The following TNS3 variants were observed in gnomAD, a reference collection of about 807,000 sequenced individuals.
The protein encoded by TNS3 is tensin 3.
TNS3 carries 45 observed loss-of-function variants against 140.9 expected under a neutral mutation model. The observed-to-expected ratio is 0.32, with a 90% CI of 0.25 to 0.41. The LOEUF is 0.41. Among genes scored for constraint, TNS3 ranks in the 10% least tolerant of loss-of-function variants. TNS3 has a pLI of 1.00. For synonymous variants in TNS3, 815 were observed against 788.4 expected (o/e 1.03, Z -0.56); for missense variants, 1,716 against 1,906.7 (o/e 0.90, Z 1.86).
At chr7:47,474,729 C>A (rs999268134) in intron 4 of TNS3, among the ~76,000 whole-genome samples, 2 of 147,912 alleles carry the variant, frequency 1.4e-5, no homozygotes, top group Admixed American at 1.4e-4. Flanking sequence ...CATGTACACA[C>A]ACAACACACC....
chr7:47,311,012 T>C lies in TNS3; in HGVS notation c.2651-6009A>G, dbSNP rs536788362. On this transcript the variant is annotated intron_variant, in intron 20 of 30. Transcript: ENST00000311160. ...GGTTCCAAGTCTTTGCTGTTGTGAA[T>C]AGTTCGCAATAAGCATACGTGTGCA... Among the ~76,000 whole-genome samples the C allele has an allele frequency of 2.4e-5, 3 of 125,842 alleles. No individual in the cohort carries two copies. In the East Asian group the frequency reaches 6.7e-4, roughly 28 times the overall value. 82.6% of individuals were successfully genotyped at this position (125,842 alleles called of 152,430 possible).
rs146423673 is a variant in TNS3 at position 47,410,333 on chromosome 7, G to A, written c.723+1394C>T. On this transcript the variant is annotated intron_variant, in intron 13 of 30. Transcript: ENST00000311160. ...AAACGGGCCTATAAAAACGTATGAC[G>A]CACCCCAAACCTCAGCTTTCTTGCC... Among the ~76,000 whole-genome samples, 938 of 152,248 alleles carry A rather than the reference G, an allele frequency of 6.2e-3. 13 individuals carry two copies. Among genetic ancestry groups the A allele is most frequent in the African/African-American group, 0.021 (888 of 41,546 alleles).
chr7:47,546,882 C>T (rs935766636), intron 1 of TNS3, among the ~76,000 whole-genome samples: 2 of 152,226 alleles, frequency 1.3e-5, no homozygotes, highest in African/African-American at 4.8e-5. Context: ...CTGTGCTCAA[C>T]AGGCGCTGCG....
Position 47,376,157 on chromosome 7 carries a change from G to T in TNS3, c.1025-6536C>A, listed in dbSNP as rs552471551. ...GGACTTAAAAGCAATACTCAGCCCAGTCCTGATGATGTGCTGGAGAATGGA... is the reference window on the plus strand; with the variant it reads ...GGACTTAAAAGCAATACTCAGCCCATTCCTGATGATGTGCTGGAGAATGGA... On this transcript the variant is annotated intron_variant, in intron 16 of 30. Coordinates refer to ENST00000311160, the MANE Select transcript of TNS3 (RefSeq NM_022748.12). Among the ~76,000 whole-genome samples, 6 of 152,342 alleles carry T rather than the reference G, an allele frequency of 3.9e-5. No individual in the cohort carries two copies. In the East Asian group the frequency reaches 9.7e-4, roughly 25 times the overall value.
At chr7:47,488,850 T>G (rs757952034) in intron 3 of TNS3, among the ~76,000 whole-genome samples, 10 of 152,082 alleles carry the variant, frequency 6.6e-5, no homozygotes, top group Non-Finnish European at 1.0e-4. Flanking sequence ...CATTCAAGGC[T>G]GCTTTTCCAA....
At chr7:47,561,388 C>T (rs1280091034) in intron 1 of TNS3, among the ~76,000 whole-genome samples, 1 of 152,164 alleles carries the variant, frequency 6.6e-6, no homozygotes, top group Non-Finnish European at 1.5e-5. Flanking sequence ...CCCTATGGGA[C>T]CACCCACCTC....
chr7:47,540,369 T>C (rs941727156), intron 1 of TNS3, among the ~76,000 whole-genome samples: 54 of 152,272 alleles, frequency 3.5e-4, no homozygotes, highest in African/African-American at 1.2e-3. Flanking sequence ...CATCTCAACC[T>C]GGGTTGGAAA....
At position 47,480,449 on chromosome 7, in the gene TNS3, A is replaced by G. The variant is rs146024165; in HGVS notation, c.-76+654T>C. 5.8e-3 allele frequency among the ~76,000 whole-genome samples: 879 copies of G among 152,322 alleles called. 9 individuals carry two copies. The highest frequency in any genetic ancestry group is 0.02 in the African/African-American group (839 of 41,588). ...GGGTCCTGTATCCTACTGTCTTGGCACAGTGAGCCTTTCAATTATCCTGCA... is the reference window on the plus strand; with the variant it reads ...GGGTCCTGTATCCTACTGTCTTGGCGCAGTGAGCCTTTCAATTATCCTGCA... On this transcript the variant is annotated intron_variant, in intron 4 of 30. Transcript: ENST00000311160.
Position 47,400,892 on chromosome 7 carries a change from T to C in TNS3, c.746A>G (p.Tyr249Cys), listed in dbSNP as rs765053864. Reference protein sequence around the residue: ...DVMVKCYHKKYRSATRDVIFR... With the variant: ...DVMVKCYHKKCRSATRDVIFR... ...AATGACGTCACGGGTGGCCGAGCGG[T>C]ATTTCTTGTGGTAGCATTTCACCTG... The change falls in exon 14 of 31, where the codon TAC becomes TGC. Residue 249 changes from tyrosine to cysteine, a missense_variant. This residue lies in a region of TNS3 where 337 missense variants were observed against 428.9 expected (regional missense o/e 0.79). Transcript: ENST00000311160. 11 of 1,614,050 alleles carry C rather than the reference T, an allele frequency of 6.8e-6. No homozygotes were observed. Among genetic ancestry groups the C allele is most frequent in the Non-Finnish European group, 9.3e-6 (11 of 1,180,034 alleles).
In TNS3 at chr7:47,283,271, C is replaced by T. The variant is rs181924266; in HGVS notation, c.4097+426G>A. 1.6e-3 allele frequency among the ~76,000 whole-genome samples: 238 copies of T among 152,176 alleles called. 2 individuals are homozygous for T. The highest frequency in any genetic ancestry group is 4.3e-4 in the Non-Finnish European group (29 of 68,010). ...GCGTAAGTCATTTGAAATTGGCCAA[C>T]GGAAATAGTACATATCAAGGTCATA... is the stretch of plus-strand genomic sequence containing the variant. On this transcript the variant is annotated intron_variant, in intron 28 of 30. Transcript: ENST00000311160.
intron 1 of TNS3, among the ~76,000 whole-genome samples, chr7:47,545,012 C>T (rs968020732): frequency 6.6e-6 from 1 of 151,946 alleles, no homozygotes; most frequent in Non-Finnish European, 1.5e-5. Flanking sequence ...TTGAGCACCT[C>T]GAACACTAAA....
At chr7:47,488,440 G>A (rs897470371) in intron 3 of TNS3, among the ~76,000 whole-genome samples, 20 of 152,152 alleles carry the variant, frequency 1.3e-4, no homozygotes, top group African/African-American at 4.8e-4. Flanking sequence ...TGAAGATGTG[G>A]GCAGGGTGGT....
At chr7:47,302,372 G>A in intron 22 of TNS3, 100 bp from the exon 23 acceptor site, 1 of 951,000 alleles carries the variant, frequency 1.1e-6, no homozygotes, top group Non-Finnish European at 1.7e-6. Flanking sequence ...CATGCCAAGG[G>A]CAAGCAAGCG....
chr7:47,284,694 T>C (rs1390990747), intron 27 of TNS3, among the ~76,000 whole-genome samples: 1 of 152,228 alleles, frequency 6.6e-6, no homozygotes, highest in African/African-American at 2.4e-5. Flanking sequence ...GGAACAGAAC[T>C]GCCCTCACTC....
At chr7:47,566,940 G>A (rs1291862659) in intron 1 of TNS3, among the ~76,000 whole-genome samples, 1 of 150,774 alleles carries the variant, frequency 6.6e-6, no homozygotes, top group Non-Finnish European at 1.5e-5. Flanking sequence ...TACTGAGGCA[G>A]GAGAATCACC....
At chr7:47,298,862 C>G (rs1786211628) in intron 23 of TNS3, among the ~76,000 whole-genome samples, 1 of 152,246 alleles carries the variant, frequency 6.6e-6, no homozygotes, top group African/African-American at 2.4e-5. Context: ...CGGGGAGGAG[C>G]TCAACATGCC....
chr7:47,345,134 G>A, intron 18 of TNS3, 96 bp from the exon 19 acceptor site: 2 of 902,548 alleles, frequency 2.2e-6, no homozygotes, highest in South Asian at 1.4e-5. Flanking sequence ...CTGGCCCACT[G>A]AGCAAACCCC....
chr7:47,297,433 G>C (rs955742561), intron 23 of TNS3, among the ~76,000 whole-genome samples: 1 of 152,122 alleles, frequency 6.6e-6, no homozygotes, highest in African/African-American at 2.4e-5. Context: ...TCATGGGTGG[G>C]CCTGCCTGTT....
intron 4 of TNS3, among the ~76,000 whole-genome samples, chr7:47,460,458 A>C (rs1216625184): frequency 6.6e-6 from 1 of 152,158 alleles, no homozygotes; most frequent in Non-Finnish European, 1.5e-5. Flanking sequence ...AAGCTGACTA[A>C]GACGACATCT....
Sources: allele counts gnomAD v4.1 joint callset (sites outside exome capture counted in the v4.1 genomes callset), GRCh38; gene constraint gnomAD v4.1.1; regional missense constraint gnomAD v4.1.1; transcripts MANE v1.5; gene names NCBI Gene and HGNC (gene_info 2026-07-23, HGNC 2026-07-21).